Variants in ARPC4 observed in about 807,000 individuals in gnomAD.
ARPC4 encodes the protein actin-related protein 2/3 complex subunit 4.
In ARPC4, 3 loss-of-function variants were observed where a neutral mutation model predicts 22.8. The ratio of observed to expected loss-of-function variants is 0.13; its 90% confidence interval spans 0.06 to 0.34. The LOEUF (loss-of-function observed/expected upper bound fraction) is 0.34, where lower values mean the gene tolerates loss of function less well. Ranked by LOEUF, ARPC4 falls within the 10% of genes least tolerant of loss-of-function variation. The probability of loss-of-function intolerance (pLI) is 1.00; values close to 1 mark genes in which losing one functional copy is unlikely to be tolerated. For missense variants in ARPC4, 98 were observed against 211.0 expected (o/e 0.46, Z 3.32); for synonymous variants, 80 against 72.5 (o/e 1.10, Z -0.52).
At chr3:9,793,355 C>T (rs1232209692) in intron 1 of ARPC4, among the ~76,000 whole-genome samples, 3 of 152,162 alleles carry the variant, frequency 2.0e-5, no homozygotes, top group Non-Finnish European at 4.4e-5. Flanking sequence ...GGTCAGCCTT[C>T]GAAGCAGGTA....
upstream of ARPC4, chr3:9,792,624 G>A (rs1272551185): frequency 6.5e-6 from 8 of 1,231,304 alleles, no homozygotes; most frequent in South Asian, 2.8e-4. Flanking sequence ...GAGCCCCGGG[G>A]CACAGCCCGG....
At chr3:9,800,857 G>C (rs935263371) in intron 3 of ARPC4, among the ~76,000 whole-genome samples, 4 of 152,170 alleles carry the variant, frequency 2.6e-5, no homozygotes, top group Admixed American at 1.3e-4. Context: ...AGGTTAACAA[G>C]TGTTGAGAGG....
At chr3:9,798,284 T>G (rs1298290645) in intron 2 of ARPC4, among the ~76,000 whole-genome samples, 2 of 152,102 alleles carry the variant, frequency 1.3e-5, no homozygotes, top group African/African-American at 4.8e-5. Flanking sequence ...CTTTTTCCCC[T>G]TTAAAATTTA....
At chr3:9,796,470 GTC>G (rs1458501267) in intron 1 of ARPC4, among the ~76,000 whole-genome samples, 1 of 152,136 alleles carries the variant, frequency 6.6e-6, no homozygotes, top group Non-Finnish European at 1.5e-5. Context: ...GGATGTCAAG[GTC>G]TCTCTCAAGA....
chr3:9,794,391 C>T (rs1228920931), intron 1 of ARPC4, among the ~76,000 whole-genome samples: 2 of 152,058 alleles, frequency 1.3e-5, no homozygotes, highest in African/African-American at 2.4e-5. Flanking sequence ...CCCAGCTACT[C>T]AGGAGGCTGA....
chr3:9,795,474 C>A (rs1201925583), intron 1 of ARPC4, among the ~76,000 whole-genome samples: 2 of 152,218 alleles, frequency 1.3e-5, no homozygotes, highest in Admixed American at 1.3e-4. Context: ...TTCCTTACCC[C>A]CTTAAGAGAA....
rs9837483 is a variant in ARPC4, at chr3:9,794,521, C to T, written c.3+1397C>T. 7.4e-3 allele frequency among the ~76,000 whole-genome samples: 1,126 copies of T among 152,018 alleles called. 12 individuals are homozygous for T. Among genetic ancestry groups the T allele is most frequent in the African/African-American group, 0.021 (880 of 41,452 alleles). ...CTCAAAAAAAAAAGCGTTGCAAAAA[C>T]TTGCTGGGTATGGTGGCATGCGCCT... On this transcript the variant is annotated intron_variant, in intron 1 of 5. Coordinates refer to ENST00000397261, the MANE Select transcript of ARPC4 (RefSeq NM_005718.5).
At chr3:9,800,424 T>G in intron 3 of ARPC4, 128 bp downstream of exon 3, 1 of 830,192 alleles carries the variant, frequency 1.2e-6, no homozygotes, top group East Asian at 2.7e-5. Flanking sequence ...AAACCTAGCC[T>G]CTGCTTCCTT....
chr3:9,800,612 A>G (rs1358133063), intron 3 of ARPC4, among the ~76,000 whole-genome samples: 1 of 151,922 alleles, frequency 6.6e-6, no homozygotes, highest in African/African-American at 2.4e-5. Context: ...TTTAGTAGAG[A>G]CAGAGTTTCA....
chr3:9,797,626 G>T lies in ARPC4; in HGVS notation c.4-33G>T. On this transcript the variant is annotated intron_variant, in intron 1 of 5. Coordinates refer to ENST00000397261, the MANE Select transcript of ARPC4 (RefSeq NM_005718.5). Reference sequence around the variant, plus strand: ...CGGTGGGTTTGGCGTGACAGATTTTGATCTTCCCTTTCCTCTGTGTTATTT... The same window carrying T: ...CGGTGGGTTTGGCGTGACAGATTTTTATCTTCCCTTTCCTCTGTGTTATTT... 3 of 1,599,686 alleles carry T rather than the reference G, an allele frequency of 1.9e-6. No individual in the cohort carries two copies. The African/African-American group carries it at 4.0e-5, about 21-fold the overall frequency.
intron 3 of ARPC4, 151 bp downstream of exon 3, chr3:9,800,447 G>A (rs1175567965): frequency 8.5e-6 from 6 of 705,022 alleles, no homozygotes; most frequent in African/African-American, 3.6e-5. Context: ...TTTTTGACAC[G>A]GATTCTCACT....
At position 9,796,813 on chromosome 3, in the gene ARPC4, C is replaced by T. The variant is rs533964687; in HGVS notation, c.4-846C>T. The stretch of plus-strand genomic sequence containing the variant: ...AAAGTTAGCCGGGTGTGGTGGTGGG[C>T]GCCTGTAGTCCCAGCTACTTGGGAG... On this transcript the variant is annotated intron_variant, in intron 1 of 5. Coordinates refer to ENST00000397261, the MANE Select transcript of ARPC4 (RefSeq NM_005718.5). Among the ~76,000 whole-genome samples, 31 of 151,802 alleles carry T rather than the reference C, an allele frequency of 2.0e-4. No homozygotes were observed. In the South Asian group the frequency reaches 4.2e-3, roughly 20 times the overall value.
chr3:9,795,674 A>G (rs1009439606), intron 1 of ARPC4, among the ~76,000 whole-genome samples: 3 of 152,184 alleles, frequency 2.0e-5, no homozygotes, highest in African/African-American at 7.2e-5. Flanking sequence ...TTTATTCTAC[A>G]GGAAATGAGT....
Position 9,806,516 on chromosome 3 carries a change from C to CTTT in ARPC4, c.*320_*322dup, listed in dbSNP as rs55966635. ...TTGTAGGATACTGTAACCTTTTTGT[C>CTTT]TTTTTTTTTTTTTTTTTTTTTAAAC... On this transcript the variant is annotated 3_prime_UTR_variant, in exon 6 of 6. Coordinates refer to ENST00000397261, the MANE Select transcript of ARPC4 (RefSeq NM_005718.5). 15 of 232,338 alleles carry CTTT rather than the reference C, an allele frequency of 6.5e-5. No individual in the cohort carries two copies. Among genetic ancestry groups the CTTT allele is most frequent in the African/African-American group, 3.3e-4 (12 of 35,946 alleles). The allele number at this position is 232,338 out of a possible 1,614,324, so 14.4% of individuals were successfully genotyped here.
At chr3:9,799,622 T>C (rs965746784) in intron 2 of ARPC4, among the ~76,000 whole-genome samples, 1 of 152,138 alleles carries the variant, frequency 6.6e-6, no homozygotes, top group Non-Finnish European at 1.5e-5. Flanking sequence ...TTTATATTTT[T>C]AGTACAAATG....
rs775314716 is a variant in ARPC4, at chr3:9,800,207, C to A, written c.145C>A (p.Gln49Lys). 2.2e-5 allele frequency: 35 copies of A among 1,613,998 alleles called. No homozygotes were observed. The highest frequency in any genetic ancestry group is 3.0e-5 in the Non-Finnish European group (35 of 1,180,028). The change falls in exon 3 of 6, where the codon CAA (glutamine) becomes AAA (lysine). Residue 49 changes from glutamine to lysine, a missense_variant. By Grantham distance (53) the Gln-to-Lys change is moderately conservative. Coordinates refer to ENST00000397261, the MANE Select transcript of ARPC4 (RefSeq NM_005718.5). ...CAGGAGTAGCAAAGAGCTCCTGTTA[C>A]AACCTGTGACCATCAGCAGGAATGA... Reference protein sequence around the residue: ...EVRSSKELLLQPVTISRNEKE... With the variant: ...EVRSSKELLLKPVTISRNEKE...
At chr3:9,793,222 G>A in intron 1 of ARPC4, 98 bp downstream of exon 1, 1 of 1,476,270 alleles carries the variant, frequency 6.8e-7, no homozygotes, top group Non-Finnish European at 9.0e-7. Flanking sequence ...GCGCGGGGCC[G>A]AGGGATGTCC....
chr3:9,794,568 A>C (rs192191998), intron 1 of ARPC4, among the ~76,000 whole-genome samples: 22 of 152,174 alleles, frequency 1.4e-4, no homozygotes, highest in Middle Eastern at 3.4e-3. Context: ...CGCTCAGGAC[A>C]CTGAGGCAGG....
intron 2 of ARPC4, among the ~76,000 whole-genome samples, chr3:9,798,873 A>AAAAATAAAAT (rs5846647): frequency 2.0e-5 from 3 of 151,000 alleles, no homozygotes; most frequent in African/African-American, 4.9e-5. Flanking sequence ...ACTTCGTCTC[A>AAAAATAAAAT]AAAATAAAAT....
Sources: gnomAD v4.1 joint callset for allele counts (sites outside exome capture counted in the v4.1 genomes callset) on GRCh38, gnomAD v4.1.1 for gene constraint, MANE v1.5 for transcripts, NCBI Gene and HGNC (gene_info 2026-07-23, HGNC 2026-07-21) for gene names.